The following KANK2 variants were observed in gnomAD, a reference collection of about 807,000 sequenced individuals.
The protein encoded by KANK2 is KN motif and ankyrin repeat domain-containing protein 2.
KANK2 carries 41 observed loss-of-function variants against 74.6 expected under a neutral mutation model. That is an observed-to-expected ratio of 0.55 (90% CI 0.43 to 0.71). KANK2 has a LOEUF of 0.71. Ranked by LOEUF, KANK2 falls within the 30% of genes least tolerant of loss-of-function variation. The pLI, the probability that KANK2 is intolerant of heterozygous loss-of-function variation, is 0.00. For missense variants in KANK2, 1,148 were observed against 1,196.4 expected (o/e 0.96, Z 0.60); for synonymous variants, 537 against 519.0 (o/e 1.03, Z -0.47).
intron 4 of KANK2, among the ~76,000 whole-genome samples, chr19:11,187,271 A>AG (rs34404221): frequency 0.066 from 9,989 of 152,108 alleles, 378 homozygotes; most frequent in Admixed American, 0.09. Context: ...GAAAAAAGGA[A>AG]GAAAAAAAAG....
At chr19:11,192,593 A>C (rs1441772754) in intron 4 of KANK2, 5 of 466,900 alleles carry the variant, frequency 1.1e-5, no homozygotes, top group African/African-American at 9.9e-5. Context: ...ACGCCACCAC[A>C]CCTGGCTAAT....
rs2077971423 is a variant in KANK2 at position 11,164,317 on chromosome 19, AC to A, written c.*2240del. ...TAAATTTGTTTACCTTCTAAAAAAA[AC>A]GATTACAAAAAAGAATACTTCATTT... On this transcript the variant is annotated 3_prime_UTR_variant, in exon 13 of 13. Coordinates refer to ENST00000586659, the MANE Select transcript of KANK2 (RefSeq NM_001136191.3). The A allele has an allele frequency of 6.6e-6, 1 of 152,198 alleles. No individual in the cohort carries two copies. Among genetic ancestry groups the A allele is most frequent in the African/African-American group, 2.4e-5 (1 of 41,452 alleles). The allele number at this position is 152,198 out of a possible 1,614,324, so 9.4% of individuals were successfully genotyped here. A position where few individuals can be genotyped will look rare whatever the true frequency, so the allele number is the denominator to read the frequency against.
intron 12 of KANK2, among the ~76,000 whole-genome samples, chr19:11,167,615 C>T (rs888070766): frequency 6.6e-6 from 1 of 151,758 alleles, no homozygotes; most frequent in African/African-American, 2.4e-5. Flanking sequence ...GCAACCTCTG[C>T]CTCCCAGGTT....
chr19:11,194,752 A>ACCCCCTC, intron 2 of KANK2, 162 bp from the exon 3 acceptor site: 1 of 359,202 alleles, frequency 2.8e-6, no homozygotes, highest in Non-Finnish European at 5.0e-6. Flanking sequence ...GCCCCCCCCG[A>ACCCCCTC]CCCCCTCCCC....
At chr19:11,177,985 C>G (rs1353662535) in intron 6 of KANK2, among the ~76,000 whole-genome samples, 1 of 152,176 alleles carries the variant, frequency 6.6e-6, no homozygotes, top group African/African-American at 2.4e-5. Flanking sequence ...ACCTGCACCA[C>G]CTGAGTGTTC....
chr19:11,182,147 C>G (rs1028346215), intron 4 of KANK2, among the ~76,000 whole-genome samples: 1 of 151,844 alleles, frequency 6.6e-6, no homozygotes, highest in Non-Finnish European at 1.5e-5. Flanking sequence ...AACTCCCAAT[C>G]TCCAGTGATC....
intron 4 of KANK2, among the ~76,000 whole-genome samples, chr19:11,186,154 A>G (rs74179972): frequency 0.066 from 10,014 of 152,234 alleles, 375 homozygotes; most frequent in Admixed American, 0.09. Context: ...TTGGGAGGCC[A>G]AGGCGGGTGG....
chr19:11,195,410 G>C (rs2078990253), intron 2 of KANK2: 2 of 152,222 alleles, frequency 1.3e-5, no homozygotes, highest in Non-Finnish European at 2.9e-5. Context: ...GCCGGCCAGG[G>C]CTCTTTTGTC....
intron 4 of KANK2, among the ~76,000 whole-genome samples, chr19:11,188,752 G>A (rs1439148313): frequency 6.6e-6 from 1 of 151,866 alleles, no homozygotes; most frequent in East Asian, 2.0e-4. Flanking sequence ...GGGAGGCCGA[G>A]GCGGGCAGAC....
intron 10 of KANK2, among the ~76,000 whole-genome samples, chr19:11,171,547 A>T (rs1448332984): frequency 9.6e-6 from 1 of 103,934 alleles, no homozygotes; most frequent in Non-Finnish European, 2.0e-5. Context: ...TTTAATAGAG[A>T]GGAGGTGGGG....
chr19:11,173,823 G>A (rs2078248855), intron 9 of KANK2, among the ~76,000 whole-genome samples: 1 of 152,094 alleles, frequency 6.6e-6, no homozygotes, highest in Non-Finnish European at 1.5e-5. Flanking sequence ...GGAAGGTGGT[G>A]TCTCACTCAT....
At position 11,170,912 on chromosome 19, in the gene KANK2, C is replaced by T. The variant is rs2078156207; in HGVS notation, c.2212-664G>A. 6.6e-6 allele frequency among the ~76,000 whole-genome samples: 1 copy of T among 152,170 alleles called. No homozygotes were observed. The highest frequency in any genetic ancestry group is 1.5e-5 in the Non-Finnish European group (1 of 68,010). On this transcript the variant is annotated intron_variant, in intron 10 of 12. Coordinates refer to ENST00000586659, the MANE Select transcript of KANK2 (RefSeq NM_001136191.3). This position sits in a 1 kb window ranked among gnomAD's most constrained non-coding sequence, Gnocchi z 5.2. ...TCTCGGCTCACTGCAACCTCCACCT[C>T]CTGGGTCCAAGCAACTCTCCTGCCT... is the stretch of plus-strand genomic sequence containing the variant.
rs1300380945 is a variant in KANK2, at chr19:11,194,477, G to C, written c.35C>G (p.Pro12Arg). Residue 12 changes from proline (P) to arginine (R), a missense_variant and splice_region_variant, in exon 3 of 13, where the codon CCA (proline) becomes CGA (arginine). Transcript: ENST00000586659. ...AQVLHVPAPF[P>R]GTPGPASPPA... is the part of the protein sequence containing the mutation. ...CCCTCTTCCCTGAGTCCCCTGACCT[G>C]GGAAGGGAGCAGGCACGTGCAGGAC... The C allele has an allele frequency of 1.2e-6, 2 of 1,611,688 alleles. No individual in the cohort carries two copies. The highest frequency in any genetic ancestry group is 1.3e-5 in the African/African-American group (1 of 75,006).
upstream of KANK2, chr19:11,197,607 C>T: frequency 6.6e-6 from 1 of 151,444 alleles, no homozygotes; most frequent in East Asian, 1.9e-4. Context: ...TCCGGCTGGT[C>T]CCGCCCCCCC....
chr19:11,184,114 T>G (rs888801514), intron 4 of KANK2, among the ~76,000 whole-genome samples: 1 of 152,174 alleles, frequency 6.6e-6, no homozygotes, highest in South Asian at 2.1e-4. Context: ...TGGTGGCTCA[T>G]GCCTGTAATC....
At position 11,172,962 on chromosome 19, in the gene KANK2, G is replaced by A; in HGVS notation, c.2211+19C>T. 1.2e-6 allele frequency: 2 copies of A among 1,609,008 alleles called. No individual in the cohort carries two copies. The highest frequency in any genetic ancestry group is 1.7e-6 in the Non-Finnish European group (2 of 1,177,272). On this transcript the variant is annotated intron_variant, in intron 10 of 12. Coordinates refer to ENST00000586659, the MANE Select transcript of KANK2 (RefSeq NM_001136191.3). ...GTAGGAAGAGCCACCTGGATCTGCA[G>A]CAGCCGGGGTCCCCATACCTGGCTG...
chr19:11,168,005 G>GTTTTTTTTTTTTTTTTTTTTTTTTTTT (rs528176321), intron 12 of KANK2, among the ~76,000 whole-genome samples: 5 of 115,034 alleles, frequency 4.3e-5, no homozygotes, highest in Non-Finnish European at 7.1e-5. Context: ...CCACGTCCTT[G>GTTTTTTTTTTTTTTTTTTTTTTTTTTT]TTTTTTTTTT....
intron 10 of KANK2, among the ~76,000 whole-genome samples, chr19:11,171,858 T>C (rs1160598528): frequency 6.7e-6 from 1 of 148,430 alleles, no homozygotes; most frequent in Non-Finnish European, 1.5e-5. Context: ...TTTTTTTTAG[T>C]AGAGATGGGG....
chr19:11,182,090 AT>A (rs1186382089), intron 4 of KANK2, among the ~76,000 whole-genome samples: 1 of 151,562 alleles, frequency 6.6e-6, no homozygotes, highest in East Asian at 2.0e-4. Context: ...GCTAATTTAT[AT>A]TTTTAGTAGA....
Sources: gnomAD v4.1 joint callset for allele counts (sites outside exome capture counted in the v4.1 genomes callset) on GRCh38, gnomAD v4.1.1 for gene constraint, Gnocchi (gnomAD v3.1) non-coding constraint, MANE v1.5 for transcripts, NCBI Gene and HGNC (gene_info 2026-07-23, HGNC 2026-07-21) for gene names.